Variants in DDHD2 observed in about 807,000 individuals in gnomAD.
The protein encoded by DDHD2 is DDHD domain containing 2, also known as triacylglycerol hydrolase DDHD2.
DDHD2 carries 62 observed loss-of-function variants against 91.2 expected under a neutral mutation model. That is an observed-to-expected ratio of 0.68 (90% confidence interval 0.55 to 0.84). The LOEUF is 0.84. DDHD2 is among the 40% of genes least tolerant of loss of function. The pLI is 0.00. For missense variants in DDHD2, 740 were observed against 846.9 expected (o/e 0.87, Z 1.57); for synonymous variants, 271 against 293.9 (o/e 0.92, Z 0.80).
At chr8:38,268,058 A>G (rs1807953556) in intron 1 of DDHD2, 2 of 1,587,362 alleles carry the variant, frequency 1.3e-6, no homozygotes, top group African/African-American at 1.3e-5. Context: ...TGAGATGGAT[A>G]GAATCCAACC....
rs1199968632 is a variant in DDHD2, at chr8:38,252,208, T to G, written c.1538T>G (p.Leu513Arg). ...FAFGSPIGMF[L>R]TVRGLKRIDP... ...TTTGGATCTCCCATTGGAATGTTCCTTACTGTCCGAGGACTAAAAAGAATT... is the reference window on the plus strand; with the variant it reads ...TTTGGATCTCCCATTGGAATGTTCCGTACTGTCCGAGGACTAAAAAGAATT... Residue 513 changes from leucine (L) to arginine (R), a missense_variant, in exon 13 of 18, where the codon CTT becomes CGT. Leu to Arg is a moderately radical substitution (Grantham distance 102). Coordinates refer to ENST00000397166, the MANE Select transcript of DDHD2 (RefSeq NM_015214.3). 1 of 1,614,212 alleles carries G rather than the reference T, an allele frequency of 6.2e-7. No homozygotes were observed. Among genetic ancestry groups the G allele is most frequent in the South Asian group, 1.1e-5 (1 of 91,078 alleles).
chr8:38,267,962 T>C (rs1472416683), intron 1 of DDHD2: 4 of 1,613,980 alleles, frequency 2.5e-6, no homozygotes, highest in Admixed American at 1.7e-5. Context: ...GGCTGGCAGC[T>C]GCAAAGCAAA....
chr8:38,245,839 T>G lies in DDHD2; in HGVS notation c.946T>G (p.Cys316Gly), dbSNP rs754356348. The stretch of plus-strand genomic sequence containing the variant: ...CTTCTTCTACAATAGTCCCACCTAC[T>G]GTCAGACTATTGTGGACACAGTTGC... ...DVFFYNSPTY[C>G]QTIVDTVASE... is the part of the protein sequence containing the mutation. The change falls in exon 8 of 18, where the codon TGT becomes GGT. Residue 316 changes from cysteine (C) to glycine (G), a missense_variant. This residue lies in a region of DDHD2 where 693 missense variants were observed against 764.2 expected (regional missense o/e 0.91). Transcript: ENST00000397166. The G allele has an allele frequency of 6.2e-7, 1 of 1,614,112 alleles. No homozygotes were observed.
intron 16 of DDHD2, among the ~76,000 whole-genome samples, chr8:38,254,705 A>G (rs1806373509): frequency 6.6e-6 from 1 of 151,674 alleles, no homozygotes; most frequent in Non-Finnish European, 1.5e-5. Flanking sequence ...TACCTGATGG[A>G]TTGTAGAATG....
downstream of DDHD2, chr8:38,264,947 G>T: frequency 7.5e-6 from 12 of 1,604,170 alleles, no homozygotes; most frequent in Non-Finnish European, 1.0e-5. Context: ...CATTTAAAGG[G>T]TCCTAGAGGA....
In DDHD2 at chr8:38,252,781, A is replaced by C; in HGVS notation, c.1677A>C (p.Pro559=). 6.2e-7 allele frequency: 1 copy of C among 1,614,120 alleles called. No homozygotes were observed. The highest frequency in any genetic ancestry group is 1.1e-5 in the South Asian group (1 of 91,080). The change falls in exon 14 of 18, where the codon CCA becomes CCC. Residue 559 remains proline, a synonymous_variant. Coordinates refer to ENST00000397166, the MANE Select transcript of DDHD2 (RefSeq NM_015214.3). ...PMVVPGVEFE[P]MLIPHHKGRK... ...TGGTCCCAGGAGTGGAATTTGAGCC[A>C]ATGCTGATCCCACATCATAAAGGCA...
downstream of DDHD2, chr8:38,266,036 ATTTG>A (rs1472957676): frequency 9.6e-7 from 1 of 1,042,968 alleles, no homozygotes; most frequent in Non-Finnish European, 1.4e-6. Context: ...ATACTCATTA[ATTTG>A]TTCATTCAGC....
chr8:38,254,597 C>T (rs535344689), intron 16 of DDHD2, among the ~76,000 whole-genome samples: 1 of 152,210 alleles, frequency 6.6e-6, no homozygotes, highest in African/African-American at 2.4e-5. Context: ...GTCTAAACTT[C>T]AAGCAATCAA....
chr8:38,237,505 A>C, intron 3 of DDHD2, 33 bp from the exon 4 acceptor site: 14 of 1,095,330 alleles, frequency 1.3e-5, no homozygotes, highest in Non-Finnish European at 1.8e-5. Flanking sequence ...GAAAGCTACT[A>C]GAGAACTCTA....
Position 38,240,347 on chromosome 8 carries a change from G to A in DDHD2, c.695G>A (p.Arg232Gln), listed in dbSNP as rs761670911. Residue 232 changes from arginine to glutamine, a missense_variant, in exon 6 of 18, where the codon CGA becomes CAA. Physicochemically the swap from Arg to Gln is conservative, Grantham distance 43. Around this residue, in one of 2 missense-constraint regions of DDHD2, gnomAD observed 693 missense variants for 764.2 expected, o/e 0.91. Transcript: ENST00000397166. Reference sequence around the variant, plus strand: ...GGACCAGCTTGTGATCTCCGCTTTCGAAGCATTGTACAGTGTGGTAGGTTT... The same window carrying A: ...GGACCAGCTTGTGATCTCCGCTTTCAAAGCATTGTACAGTGTGGTAGGTTT... Reference protein sequence around the residue: ...GIGPACDLRFRSIVQCVNDFR... With the variant: ...GIGPACDLRFQSIVQCVNDFR... 4 of 1,609,838 alleles carry A rather than the reference G, an allele frequency of 2.5e-6. No individual in the cohort carries two copies. The highest frequency in any genetic ancestry group is 1.3e-5 in the African/African-American group (1 of 74,942).
downstream of DDHD2, chr8:38,264,192 G>A: frequency 9.9e-7 from 1 of 1,011,256 alleles, no homozygotes; most frequent in South Asian, 4.0e-5. Context: ...CTGTTGCCTA[G>A]GCTGGAGTGC....
Position 38,254,075 on chromosome 8 carries a change from C to CA in DDHD2, c.2054+370dup, listed in dbSNP as rs76331678. On this transcript the variant is annotated intron_variant, in intron 16 of 17. Transcript: ENST00000397166. The stretch of plus-strand genomic sequence containing the variant: ...TGGGTGACAGAGCAAGACCCTGTCT[C>CA]AAAAAAAAAAAAAGACCTGTGTACC... 4.7e-3 allele frequency among the ~76,000 whole-genome samples: 633 copies of CA among 133,442 alleles called. 3 individuals are homozygous for CA. The highest frequency in any genetic ancestry group is 6.3e-3 in the Non-Finnish European group (387 of 61,696). 87.5% of individuals were successfully genotyped at this position (133,442 alleles called of 152,430 possible).
intron 7 of DDHD2, among the ~76,000 whole-genome samples, chr8:38,242,657 A>G (rs1395282516): frequency 1.3e-5 from 2 of 152,158 alleles, no homozygotes; most frequent in Non-Finnish European, 2.9e-5. Flanking sequence ...CTATCTTCCC[A>G]TAGTGTATAA....
At chr8:38,251,876 C>A (rs2130847199) in intron 11 of DDHD2, 36 bp from the exon 12 acceptor site, 4 of 1,515,296 alleles carry the variant, frequency 2.6e-6, no homozygotes, top group East Asian at 2.3e-5. Flanking sequence ...TGCCGTCATG[C>A]CCAGCTTCTC....
chr8:38,251,331 C>T (rs1234116955), intron 11 of DDHD2: 1 of 152,510 alleles, frequency 6.6e-6, no homozygotes, highest in African/African-American at 2.4e-5. Context: ...GCGTGAGCCA[C>T]CATGCCTGGC....
intron 7 of DDHD2, among the ~76,000 whole-genome samples, chr8:38,245,111 G>A (rs1246866632): frequency 6.6e-6 from 1 of 151,632 alleles, no homozygotes; most frequent in Non-Finnish European, 1.5e-5. Context: ...CCCATACCTT[G>A]CAATTAGTTG....
chr8:38,240,013 G>T (rs140717426), intron 5 of DDHD2, among the ~76,000 whole-genome samples: 5 of 151,692 alleles, frequency 3.3e-5, no homozygotes, highest in African/African-American at 1.2e-4. Flanking sequence ...GTGAGCCACC[G>T]CGCCCAGCCG....
intron 1 of DDHD2, chr8:38,269,115 A>C (rs1221057455): frequency 4.6e-6 from 7 of 1,525,076 alleles, no homozygotes; most frequent in Non-Finnish European, 6.1e-6. Flanking sequence ...CCGGCCGTGG[A>C]TCTTTCTTAC....
rs768175120 is a variant in DDHD2 at position 38,268,861 on chromosome 8, A to T, written n.88-2261A>T. 1.7e-5 allele frequency: 26 copies of T among 1,537,068 alleles called. 1 individual carries two copies. Among genetic ancestry groups the T allele is most frequent in the Non-Finnish European group, 2.2e-5 (25 of 1,146,192 alleles). ...AAGCCGGGTCATGGGGAGGGAGGAA[A>T]GACGATCTTTCTCCACGCACAAACA... On this transcript the variant is annotated intron_variant and non_coding_transcript_variant, in intron 1 of 1. Coordinates refer to the DDHD2 transcript ENST00000526071.
Sources: allele counts gnomAD v4.1 joint callset (sites outside exome capture counted in the v4.1 genomes callset), GRCh38; gene constraint gnomAD v4.1.1; regional missense constraint gnomAD v4.1.1; transcripts MANE v1.5; gene names NCBI Gene and HGNC (gene_info 2026-07-23, HGNC 2026-07-21).